FHOD3: variants seen among roughly 807,000 people sequenced by gnomAD.
FHOD3 encodes the protein formin homology 2 domain containing 3, also known as FH1/FH2 domain-containing protein 3.
A neutral mutation model predicts 173.0 loss-of-function variants in FHOD3; 90 were observed. The ratio of observed to expected loss-of-function variants is 0.52; its 90% confidence interval spans 0.44 to 0.62. The LOEUF is 0.62. Among genes scored for constraint, FHOD3 ranks in the 20% least tolerant of loss-of-function variants. FHOD3 has a pLI of 0.00. For missense variants in FHOD3, 1,945 were observed against 2,034.7 expected (o/e 0.96, Z 0.85); for synonymous variants, 828 against 823.0 (o/e 1.01, Z -0.10).
intron 20 of FHOD3, among the ~76,000 whole-genome samples, chr18:36,731,411 G>T (rs930531173): frequency 2.0e-5 from 3 of 152,146 alleles, no homozygotes; most frequent in Non-Finnish European, 4.4e-5. Flanking sequence ...CTCCACTGTG[G>T]GTTGGTGCCA....
chr18:36,439,347 G>GAACTTT (rs2050993411), intron 3 of FHOD3, among the ~76,000 whole-genome samples: 1 of 152,166 alleles, frequency 6.6e-6, no homozygotes, highest in Non-Finnish European at 1.5e-5. Context: ...GGACCCTCCA[G>GAACTTT]GTATGTTGTC....
intron 27 of FHOD3, among the ~76,000 whole-genome samples, chr18:36,765,414 C>T (rs1329934515): frequency 6.6e-6 from 1 of 152,132 alleles, no homozygotes; most frequent in Non-Finnish European, 1.5e-5. Flanking sequence ...TTCTTCTATA[C>T]ACAAAGTCCA....
At chr18:36,755,595 A>T (rs894810951) in intron 25 of FHOD3, among the ~76,000 whole-genome samples, 3 of 152,054 alleles carry the variant, frequency 2.0e-5, no homozygotes, top group African/African-American at 7.2e-5. Flanking sequence ...ATGACATTAA[A>T]TGTTTGATTC....
chr18:36,638,092 C>T (rs1347661087), intron 10 of FHOD3, among the ~76,000 whole-genome samples: 1 of 152,170 alleles, frequency 6.6e-6, no homozygotes, highest in Non-Finnish European at 1.5e-5. Context: ...TATAAGCATA[C>T]TTCCTTTCTC....
rs2042966370 is a variant in FHOD3, at chr18:36,763,095, C to CGTATTATACACGTTATATATAATATGT, written c.4624+2334_4624+2360dup. On this transcript the variant is annotated intron_variant, in intron 27 of 28. Coordinates refer to ENST00000590592, the MANE Select transcript of FHOD3 (RefSeq NM_001281740.3). ...TATTATACACGTTATATATAATATGCGTATTATACACGTTATATATAATAT... is the reference window on the plus strand; with the variant it reads ...TATTATACACGTTATATATAATATGCGTATTATACACGTTATATATAATATGTGTATTATACACGTTATATATAATAT... 1.2e-4 allele frequency among the ~76,000 whole-genome samples: 13 copies of CGTATTATACACGTTATATATAATATGT among 112,626 alleles called. 6 individuals carry two copies. Among genetic ancestry groups the CGTATTATACACGTTATATATAATATGT allele is most frequent in the Admixed American group, 7.6e-4 (8 of 10,494 alleles). The allele number at this position is 112,626 out of a possible 152,430, so 73.9% of individuals were successfully genotyped here. A position where few individuals can be genotyped will look rare whatever the true frequency, so the allele number is the denominator to read the frequency against.
At chr18:36,583,254 A>G (rs1479943256) in intron 6 of FHOD3, among the ~76,000 whole-genome samples, 2 of 152,132 alleles carry the variant, frequency 1.3e-5, no homozygotes, top group Non-Finnish European at 2.9e-5. Flanking sequence ...TCCTGGAATC[A>G]CGATATGCTG....
At chr18:36,503,303 C>A (rs1419627880) in intron 4 of FHOD3, among the ~76,000 whole-genome samples, 1 of 152,140 alleles carries the variant, frequency 6.6e-6, no homozygotes, top group Non-Finnish European at 1.5e-5. Flanking sequence ...ATTTTTGATT[C>A]TAGTTTACAT....
intron 5 of FHOD3, among the ~76,000 whole-genome samples, chr18:36,549,258 AT>A (rs1599609448): frequency 6.6e-6 from 1 of 152,158 alleles, no homozygotes; most frequent in East Asian, 1.9e-4. Flanking sequence ...CTTTTTGCCA[AT>A]TTTTAATTGG....
At chr18:36,748,446 C>T (rs562193256) in intron 24 of FHOD3, among the ~76,000 whole-genome samples, 2 of 151,396 alleles carry the variant, frequency 1.3e-5, no homozygotes, top group South Asian at 2.1e-4. Context: ...TTATTTGGAA[C>T]GTCATGAAAC....
rs370518164 is a variant in FHOD3, at chr18:36,621,491, C to T, written c.958-4020C>T. Among the ~76,000 whole-genome samples the T allele has an allele frequency of 5.9e-5, 9 of 152,290 alleles. No individual in the cohort carries two copies. The South Asian group carries it at 6.2e-4, about 11-fold the overall frequency. On this transcript the variant is annotated intron_variant, in intron 9 of 28. Transcript: ENST00000590592. Reference sequence around the variant, plus strand: ...TTTGAGTGAGCTGAGTGGTCTAAGACGGCCTTAGTTTATCTACTTGGCCTG... The same window carrying T: ...TTTGAGTGAGCTGAGTGGTCTAAGATGGCCTTAGTTTATCTACTTGGCCTG...
chr18:36,383,779 C>T (rs889580774), intron 3 of FHOD3, among the ~76,000 whole-genome samples: 15 of 152,172 alleles, frequency 9.9e-5, no homozygotes, highest in African/African-American at 2.9e-4. Flanking sequence ...AACTGAGGCA[C>T]GCAGTGGTCT....
chr18:36,420,548 A>G (rs773767310), intron 3 of FHOD3, among the ~76,000 whole-genome samples: 2 of 152,216 alleles, frequency 1.3e-5, no homozygotes, highest in Non-Finnish European at 1.5e-5. Flanking sequence ...GTAGTTTTGC[A>G]TATGGCTAGC....
chr18:36,321,934 C>T (rs959342877), intron 1 of FHOD3, among the ~76,000 whole-genome samples: 28 of 152,076 alleles, frequency 1.8e-4, no homozygotes, highest in African/African-American at 5.3e-4. Flanking sequence ...GTTGGAATGC[C>T]GAGAGACAGG....
At chr18:36,750,364 C>T (rs1471606950) in intron 24 of FHOD3, among the ~76,000 whole-genome samples, 1 of 152,138 alleles carries the variant, frequency 6.6e-6, no homozygotes, top group African/African-American at 2.4e-5. Flanking sequence ...AATTAAAGTT[C>T]CTTAAAGATG....
intron 13 of FHOD3, among the ~76,000 whole-genome samples, chr18:36,656,233 C>A (rs1278266108): frequency 6.6e-6 from 1 of 152,188 alleles, no homozygotes; most frequent in Non-Finnish European, 1.5e-5. Context: ...TTCCTTTCAT[C>A]CTTTGCTTTT....
In FHOD3 at chr18:36,362,644, A is replaced by T. The variant is rs1004140167; in HGVS notation, c.272+6999A>T. On this transcript the variant is annotated intron_variant, in intron 2 of 28. Coordinates refer to ENST00000590592, the MANE Select transcript of FHOD3 (RefSeq NM_001281740.3). ...GAGGGCCAGCCATAGGATGCAGGTG[A>T]GGAGAGGACCAGTCCCTGGCTGTAG... Among the ~76,000 whole-genome samples, 3 of 152,104 alleles carry T rather than the reference A, an allele frequency of 2.0e-5. No homozygotes were observed. In the South Asian group the frequency reaches 6.2e-4, roughly 32 times the overall value.
chr18:36,454,982 C>T (rs2052092191), intron 3 of FHOD3, among the ~76,000 whole-genome samples: 1 of 152,150 alleles, frequency 6.6e-6, no homozygotes, highest in Non-Finnish European at 1.5e-5. Flanking sequence ...AACACATGCC[C>T]ATGTATCTCT....
In FHOD3 at chr18:36,763,202, G is replaced by A. The variant is rs1043200321; in HGVS notation, c.4624+2420G>A. On this transcript the variant is annotated intron_variant, in intron 27 of 28. Transcript: ENST00000590592. Reference sequence around the variant, plus strand: ...TACGCTATATATGTGTATTATATACGTTATATATGTGTACTATACGTTATA... The same window carrying A: ...TACGCTATATATGTGTATTATATACATTATATATGTGTACTATACGTTATA... 2.8e-5 allele frequency among the ~76,000 whole-genome samples: 4 copies of A among 142,480 alleles called. No homozygotes were observed. In the Admixed American group the frequency reaches 2.9e-4, roughly 10 times the overall value. The allele number at this position is 142,480 out of a possible 152,430, so 93.5% of individuals were successfully genotyped here.
chr18:36,526,428 C>T (rs1420578458), intron 5 of FHOD3, among the ~76,000 whole-genome samples: 3 of 150,306 alleles, frequency 2.0e-5, no homozygotes, highest in African/African-American at 7.3e-5. Flanking sequence ...CATAATTCAG[C>T]TTTTTTTTTT....
Sources: gnomAD v4.1 joint callset for allele counts (sites outside exome capture counted in the v4.1 genomes callset) on GRCh38, gnomAD v4.1.1 for gene constraint, MANE v1.5 for transcripts, NCBI Gene and HGNC (gene_info 2026-07-23, HGNC 2026-07-21) for gene names.